The following MAPK3 variants were observed in gnomAD, a reference collection of about 807,000 sequenced individuals.
The protein encoded by MAPK3 is mitogen-activated protein kinase 3, also known as MAPK 1.
In MAPK3, 30 loss-of-function variants were observed where a neutral mutation model predicts 41.8. The ratio of observed to expected loss-of-function variants is 0.72; its 90% CI spans 0.54 to 0.97. The LOEUF is 0.97. Among genes scored for constraint, MAPK3 ranks in the 50% least tolerant of loss-of-function variants. MAPK3 has a pLI of 0.00. For synonymous variants in MAPK3, 222 were observed against 213.4 expected (o/e 1.04, Z -0.35); for missense variants, 413 against 509.9 (o/e 0.81, Z 1.83).
intron 2 of MAPK3, among the ~76,000 whole-genome samples, chr16:30,121,431 C>G (rs2073014005): frequency 6.6e-6 from 1 of 152,152 alleles, no homozygotes; most frequent in Non-Finnish European, 1.5e-5. Flanking sequence ...TTCTCCCTGT[C>G]TCCCTTCCGG....
chr16:30,116,654 G>T lies in MAPK3; in HGVS notation c.*14C>A. The T allele has an allele frequency of 6.2e-7, 1 of 1,612,694 alleles. No individual in the cohort carries two copies. The highest frequency in any genetic ancestry group is 8.5e-7 in the Non-Finnish European group (1 of 1,179,914). On this transcript the variant is annotated 3_prime_UTR_variant, in exon 8 of 9. Coordinates refer to ENST00000263025, the MANE Select transcript of MAPK3 (RefSeq NM_002746.3). ...CACTCACCAGGCCCCAGGGTGCAGA[G>T]ATGTCTGTCTGGGCTAGGGGGCCTC...
Position 30,123,134 on chromosome 16 carries a change from C to A in MAPK3, c.76G>T (p.Gly26Trp). ...RTEGVGPGVP[G>W]EVEMVKGQPF... ...TGCCCCTTCACCATCTCCACCTCCC[C>A]CGGGACCCCCGGGCCGACCCCCTCG... The change falls in exon 1 of 9, where the codon GGG becomes TGG. Residue 26 changes from glycine to tryptophan, a missense_variant. This residue lies in a region of MAPK3 where 145 missense variants were observed against 133.0 expected (regional missense o/e 1.09). Transcript: ENST00000263025. The A allele has an allele frequency of 3.2e-6, 5 of 1,550,264 alleles. No individual in the cohort carries two copies. Among genetic ancestry groups the A allele is most frequent in the Non-Finnish European group, 4.4e-6 (5 of 1,149,034 alleles).
At position 30,116,739 on chromosome 16, in the gene MAPK3, T is replaced by C; in HGVS notation, c.1069A>G (p.Lys357Glu). Residue 357 changes from lysine (K) to glutamate (E), a missense_variant, in exon 8 of 9, where the codon AAG becomes GAG. By Grantham distance (56) the Lys-to-Glu change is moderately conservative. This residue lies in a region of MAPK3 where 123 missense variants were observed against 147.8 expected (regional missense o/e 0.83). Transcript: ENST00000263025. ...AAGATGAGCTCCTTCAGCCGCTCCT[T>C]AGGTAGGTCATCCAGCTCCATGGCG... ...TFAMELDDLP[K>E]ERLKELIFQE... 2 of 1,613,842 alleles carry C rather than the reference T, an allele frequency of 1.2e-6. No individual in the cohort carries two copies. The highest frequency in any genetic ancestry group is 1.7e-6 in the Non-Finnish European group (2 of 1,179,976).
At position 30,123,062 on chromosome 16, in the gene MAPK3, C is replaced by CT; in HGVS notation, c.147_148insA (p.Glu50ArgfsTer12). On this transcript the variant is annotated frameshift_variant, in exon 1 of 9. Coordinates refer to ENST00000263025, the MANE Select transcript of MAPK3 (RefSeq NM_002746.3). LOFTEE classifies it high-confidence loss of function. ...CACCTGACCATGCCGTACGCGCCCT[C>CT]GCCGATGTACTGCAACTGCGTGTAG... 1 of 1,568,070 alleles carries CT rather than the reference C, an allele frequency of 6.4e-7. No individual in the cohort carries two copies. Among genetic ancestry groups the CT allele is most frequent in the Non-Finnish European group, 8.6e-7 (1 of 1,157,980 alleles).
chr16:30,122,168 C>G (rs954521281), intron 1 of MAPK3, 162 bp from the exon 2 acceptor site: 7 of 684,276 alleles, frequency 1.0e-5, no homozygotes, highest in African/African-American at 1.8e-5. Flanking sequence ...CCTGGGATCT[C>G]CAGAGAGAAA....
At position 30,118,045 on chromosome 16, in the gene MAPK3, A is replaced by G; in HGVS notation, c.660+2T>C. 1 of 1,613,352 alleles carries G rather than the reference A, an allele frequency of 6.2e-7. No individual in the cohort carries two copies. The highest frequency in any genetic ancestry group is 8.5e-7 in the Non-Finnish European group (1 of 1,179,422). On this transcript the variant is annotated splice_donor_variant, in intron 4 of 8. Coordinates refer to ENST00000263025, the MANE Select transcript of MAPK3 (RefSeq NM_002746.3). LOFTEE classifies it high-confidence loss of function. ...CTTTCAGGAGTGGGCAGCCCCTCCT[A>G]CCTTGGAGTTCAGCATGATCTCTGG...
chr16:30,119,975 C>G (rs2072998855), intron 2 of MAPK3, among the ~76,000 whole-genome samples: 1 of 152,126 alleles, frequency 6.6e-6, no homozygotes, highest in Non-Finnish European at 1.5e-5. Context: ...TTGACGCCAG[C>G]CTGGTGAACA....
At position 30,117,245 on chromosome 16, in the gene MAPK3, G is replaced by A. The variant is rs1247994814; in HGVS notation, c.816C>T (p.Ile272=). Residue 272 remains isoleucine (I), a synonymous_variant, in exon 6 of 9, where the codon ATC becomes ATT. Coordinates refer to ENST00000263025, the MANE Select transcript of MAPK3 (RefSeq NM_002746.3). ...GSPSQEDLNC[I]INMKARNYLQ... is the part of the protein sequence containing the mutation. ...GGTAGTTTCGGGCCTTCATGTTGAT[G>A]ATACAATTCAGGTCCTCCTGGGATG... The A allele has an allele frequency of 2.5e-6, 4 of 1,613,974 alleles. No individual in the cohort carries two copies. The highest frequency in any genetic ancestry group is 3.4e-6 in the Non-Finnish European group (4 of 1,180,002).
rs775725620 is a variant in MAPK3 at position 30,116,935 on chromosome 16, C to T, written c.976G>A (p.Ala326Thr). 6.2e-7 allele frequency: 1 copy of T among 1,613,748 alleles called. No homozygotes were observed. The highest frequency in any genetic ancestry group is 1.7e-5 in the Admixed American group (1 of 59,978). ...NKRITVEEAL[A>T]HPYLEQYYDP... ...TAGTACTGCTCCAGGTAGGGGTGAGCCAGCGCTTCCTCCACTGTGATCCGT... is the reference window on the plus strand; with the variant it reads ...TAGTACTGCTCCAGGTAGGGGTGAGTCAGCGCTTCCTCCACTGTGATCCGT... The change falls in exon 7 of 9, where the codon GCT (alanine) becomes ACT (threonine). Residue 326 changes from alanine (A) to threonine (T), a missense_variant. Transcript: ENST00000263025.
chr16:30,117,974 T>A, intron 4 of MAPK3, 73 bp downstream of exon 4: 1 of 1,380,906 alleles, frequency 7.2e-7, no homozygotes. Flanking sequence ...GGGGTCAGTG[T>A]CTGGCTCAGA....
In MAPK3 at chr16:30,116,958, C is replaced by A; in HGVS notation, c.953G>T (p.Arg318Leu). 6.2e-7 allele frequency: 1 copy of A among 1,612,926 alleles called. No individual in the cohort carries two copies. Among genetic ancestry groups the A allele is most frequent in the South Asian group, 1.1e-5 (1 of 90,916 alleles). The change falls in exon 7 of 9, where the codon CGG becomes CTG. Residue 318 changes from arginine (R) to leucine (L), a missense_variant. Arg to Leu is a moderately radical substitution (Grantham distance 102). Around this residue, in one of 4 missense-constraint regions of MAPK3, gnomAD observed 123 missense variants for 147.8 expected, o/e 0.83. Transcript: ENST00000263025. ...AGCCAGCGCTTCCTCCACTGTGATC[C>A]GTTTATTGGGGTTAAAGGTTAACAT... The part of the protein sequence containing the change: ...DRMLTFNPNK[R>L]ITVEEALAHP...
In MAPK3 at chr16:30,118,367, G is replaced by A. The variant is rs2151045870; in HGVS notation, c.525C>T (p.Asn175=). The A allele has an allele frequency of 1.2e-6, 2 of 1,612,642 alleles. No homozygotes were observed. The highest frequency in any genetic ancestry group is 1.7e-6 in the Non-Finnish European group (2 of 1,179,006). Residue 175 remains asparagine (N), a synonymous_variant, in exon 3 of 9, where the codon AAC becomes AAT. Transcript: ENST00000263025. ...CTCTGACCTTAAGGTCGCAGGTGGT[G>A]TTGATGAGCAGGTTGGAGGGCTTTA... ...RDLKPSNLLI[N]TTCDLKICDF...
chr16:30,117,099 A>C (rs373262190), intron 6 of MAPK3, 55 bp downstream of exon 6: 6 of 1,607,794 alleles, frequency 3.7e-6, no homozygotes, highest in Non-Finnish European at 5.1e-6. Context: ...CTGGGCTCAC[A>C]CACCCTCCAC....
chr16:30,122,147 T>G (rs777568520), intron 1 of MAPK3, 141 bp from the exon 2 acceptor site: 7 of 776,462 alleles, frequency 9.0e-6, no homozygotes, highest in Non-Finnish European at 1.5e-5. Flanking sequence ...GGTTCCTTCC[T>G]GCTGTGGAGG....
intron 2 of MAPK3, among the ~76,000 whole-genome samples, chr16:30,121,599 A>G (rs901719161): frequency 6.6e-6 from 1 of 152,246 alleles, no homozygotes; most frequent in Non-Finnish European, 1.5e-5. Flanking sequence ...CACAGAGCAG[A>G]GAACCCACTT....
intron 2 of MAPK3, among the ~76,000 whole-genome samples, chr16:30,120,573 CTGAG>C (rs1454534174): frequency 1.3e-5 from 2 of 151,948 alleles, no homozygotes; most frequent in Non-Finnish European, 2.9e-5. Context: ...GGGTGTGGCT[CTGAG>C]TGAGAAGTCC....
rs765611428 is a variant in MAPK3, at chr16:30,123,057, G to A, written c.153C>T (p.Gly51=). The change falls in exon 1 of 9, where the codon GGC becomes GGT. Residue 51 remains glycine, a synonymous_variant. Transcript: ENST00000263025. ...RYTQLQYIGE[G]AYGMVSSAYD... ...CCCCTCACCTGACCATGCCGTACGC[G>A]CCCTCGCCGATGTACTGCAACTGCG... 2.6e-6 allele frequency: 4 copies of A among 1,531,310 alleles called. No homozygotes were observed. Among genetic ancestry groups the A allele is most frequent in the Non-Finnish European group, 1.8e-6 (2 of 1,140,906 alleles). The allele number at this position is 1,531,310 out of a possible 1,614,324, so 94.9% of individuals were successfully genotyped here.
chr16:30,118,611 A>T, intron 2 of MAPK3, 73 bp from the exon 3 acceptor site: 2 of 1,301,970 alleles, frequency 1.5e-6, no homozygotes, highest in Non-Finnish European at 2.2e-6. Context: ...ACAGGCTCTG[A>T]AGGCGAGGCT....
In MAPK3 at chr16:30,116,900, C is replaced by T. The variant is rs372702309; in HGVS notation, c.1011G>A (p.Thr337=). 105 of 1,613,804 alleles carry T rather than the reference C, an allele frequency of 6.5e-5. No homozygotes were observed. In the Admixed American group the frequency reaches 9.7e-4, roughly 15 times the overall value. The change falls in exon 7 of 9, where the codon ACG becomes ACA. Residue 337 remains threonine, a synonymous_variant. Coordinates refer to ENST00000263025, the MANE Select transcript of MAPK3 (RefSeq NM_002746.3). ...HPYLEQYYDP[T]DEPVAEEPFT... ...CTGCTGGGGACTGGCCCACCTCATC[C>T]GTCGGGTCATAGTACTGCTCCAGGT...
Sources: gnomAD v4.1 joint callset for allele counts (sites outside exome capture counted in the v4.1 genomes callset) on GRCh38, gnomAD v4.1.1 for gene constraint, gnomAD v4.1.1 regional missense constraint, MANE v1.5 for transcripts, NCBI Gene and HGNC (gene_info 2026-07-23, HGNC 2026-07-21) for gene names.